Variants in ASPH observed in about 807,000 individuals in gnomAD.
ASPH encodes the protein aspartyl/asparaginyl beta-hydroxylase.
In ASPH, 100 loss-of-function variants were observed where a neutral mutation model predicts 118.4. The observed-to-expected ratio is 0.84, with a 90% CI of 0.72 to 1.00. The LOEUF (loss-of-function observed/expected upper bound fraction) is 1.00, where lower values mean the gene tolerates loss of function less well. ASPH is among the 50% of genes least tolerant of loss of function. The probability of loss-of-function intolerance (pLI) is 0.00; values close to 1 mark genes in which losing one functional copy is unlikely to be tolerated. For missense variants in ASPH, 920 were observed against 919.5 expected (o/e 1.00, Z -0.01); for synonymous variants, 315 against 325.6 (o/e 0.97, Z 0.35).
At chr8:61,544,488 A>C (rs1047589088) in intron 21 of ASPH, among the ~76,000 whole-genome samples, 1 of 152,214 alleles carries the variant, frequency 6.6e-6, no homozygotes, top group Admixed American at 6.5e-5. Context: ...AAGAAAATGA[A>C]TACCTTTGTC....
intron 13 of ASPH, chr8:61,624,131 T>G: frequency 1.4e-6 from 1 of 729,700 alleles, no homozygotes; most frequent in African/African-American, 1.9e-5. Context: ...AGAGTTACTA[T>G]AGCCAACAAT....
intron 15 of ASPH, chr8:61,578,088 T>C (rs182190800): frequency 0.015 from 14,495 of 989,222 alleles, 124 homozygotes; most frequent in Non-Finnish European, 0.018. Context: ...ACTTCTAAGA[T>C]ACAATGGGGG....
chr8:61,624,577 A>G (rs2150584232), intron 13 of ASPH: 1 of 982,438 alleles, frequency 1.0e-6, no homozygotes, highest in Middle Eastern at 5.2e-4. Flanking sequence ...CATTTAATAG[A>G]AGACATTTAC....
intron 24 of ASPH, among the ~76,000 whole-genome samples, chr8:61,507,020 G>T (rs1806857094): frequency 6.6e-6 from 1 of 152,102 alleles, no homozygotes. Context: ...TAACTGAATA[G>T]AAAATTCTAG....
At chr8:61,692,145 T>G (rs1180487351) in intron 1 of ASPH, among the ~76,000 whole-genome samples, 3 of 152,206 alleles carry the variant, frequency 2.0e-5, no homozygotes, top group Non-Finnish European at 2.9e-5. Flanking sequence ...GAATAGTTAT[T>G]TTGATAAAAA....
chr8:61,571,418 G>GTA (rs142094662), intron 16 of ASPH, among the ~76,000 whole-genome samples: 14,453 of 151,920 alleles, frequency 0.095, 976 homozygotes, highest in East Asian at 0.28. Flanking sequence ...ATATAAAATG[G>GTA]TATAGTATTT....
intron 3 of ASPH, chr8:61,659,929 T>C (rs1345092231): frequency 6.6e-6 from 1 of 152,122 alleles, no homozygotes; most frequent in African/African-American, 2.4e-5. Context: ...AAAACTATTG[T>C]TGACCAATAA....
chr8:61,507,086 T>C (rs1806893472), intron 24 of ASPH, among the ~76,000 whole-genome samples: 5 of 152,144 alleles, frequency 3.3e-5, no homozygotes, highest in Admixed American at 3.3e-4. Flanking sequence ...AAGCCAAAGA[T>C]CTAGAATTGT....
chr8:61,655,133 G>A (rs1812972005), intron 3 of ASPH, among the ~76,000 whole-genome samples: 1 of 152,182 alleles, frequency 6.6e-6, no homozygotes, highest in Non-Finnish European at 1.5e-5. Context: ...CTAACACTTG[G>A]CACATAGCAA....
intron 3 of ASPH, chr8:61,663,812 G>C (rs1256244798): frequency 2.0e-6 from 2 of 981,374 alleles, no homozygotes; most frequent in Non-Finnish European, 1.2e-6. Context: ...TGAAGTTTCT[G>C]TCAACTAAAT....
intron 1 of ASPH, among the ~76,000 whole-genome samples, chr8:61,709,917 T>C (rs1182160457): frequency 1.3e-5 from 2 of 152,224 alleles, no homozygotes; most frequent in Non-Finnish European, 1.5e-5. Flanking sequence ...CCTCAAAGCA[T>C]AGTATAAACT....
chr8:61,552,962 TCC>T, intron 20 of ASPH, 67 bp downstream of exon 20: 1 of 1,313,784 alleles, frequency 7.6e-7, no homozygotes, highest in Non-Finnish European at 1.1e-6. Context: ...ATTCTAACTT[TCC>T]TAGAAATAAT....
chr8:61,510,614 A>G (rs1183158017), intron 24 of ASPH, among the ~76,000 whole-genome samples: 1 of 152,242 alleles, frequency 6.6e-6, no homozygotes, highest in Non-Finnish European at 1.5e-5. Context: ...CTGTGGAGGT[A>G]GAGAAATGTA....
At chr8:61,518,155 A>G in intron 22 of ASPH, 32 bp from the exon 23 acceptor site, 1 of 1,584,942 alleles carries the variant, frequency 6.3e-7, no homozygotes, top group East Asian at 2.2e-5. Flanking sequence ...TTGGAAACAA[A>G]TCACAGTAAA....
intron 3 of ASPH, among the ~76,000 whole-genome samples, chr8:61,667,005 T>C (rs1420919666): frequency 1.3e-5 from 2 of 152,064 alleles, no homozygotes; most frequent in Non-Finnish European, 1.5e-5. Context: ...AAAAATAAGA[T>C]GGTGAAAATT....
intron 3 of ASPH, chr8:61,663,663 C>A (rs956135193): frequency 1.0e-6 from 1 of 984,314 alleles, no homozygotes; most frequent in African/African-American, 1.7e-5. Flanking sequence ...AAAATCCTGA[C>A]TAATCAAAAC....
chr8:61,712,176 A>T (rs1417296645), intron 1 of ASPH, among the ~76,000 whole-genome samples: 1 of 152,222 alleles, frequency 6.6e-6, no homozygotes, highest in African/African-American at 2.4e-5. Flanking sequence ...AATGGGTCTC[A>T]CAGTATGACA....
intron 1 of ASPH, among the ~76,000 whole-genome samples, chr8:61,709,692 A>C (rs919345592): frequency 8.5e-5 from 13 of 152,244 alleles, no homozygotes; most frequent in African/African-American, 3.1e-4. Context: ...TTTAGAGGTG[A>C]TATGGAAGTA....
intron 21 of ASPH, among the ~76,000 whole-genome samples, chr8:61,532,605 G>A (rs1457637912): frequency 6.6e-6 from 1 of 152,144 alleles, no homozygotes; most frequent in African/African-American, 2.4e-5. Flanking sequence ...TTATTGCCAA[G>A]AGGAATGTCT....
Sources: allele counts gnomAD v4.1 joint callset (sites outside exome capture counted in the v4.1 genomes callset), GRCh38; gene constraint gnomAD v4.1.1; transcripts MANE v1.5; gene names NCBI Gene and HGNC (gene_info 2026-07-23, HGNC 2026-07-21).